Variants in PRKG1 observed in about 807,000 individuals in gnomAD.
PRKG1 encodes the protein cGMP-dependent protein kinase 1.
A neutral mutation model predicts 88.1 loss-of-function variants in PRKG1; 35 were observed. The ratio of observed to expected loss-of-function variants is 0.40; its 90% CI spans 0.30 to 0.53. PRKG1 has a LOEUF of 0.53. Ranked by LOEUF, PRKG1 falls within the 20% of genes least tolerant of loss-of-function variation. PRKG1 has a pLI of 0.59. For synonymous variants in PRKG1, 303 were observed against 292.5 expected, an observed-to-expected ratio of 1.04 and a Z score of -0.37; for missense variants, 540 against 839.8, an observed-to-expected ratio of 0.64 and a Z score of 4.41.
intron 7 of PRKG1, among the ~76,000 whole-genome samples, chr10:52,074,113 T>A (rs1219553196): frequency 6.6e-6 from 1 of 152,230 alleles, no homozygotes; most frequent in Non-Finnish European, 1.5e-5. Context: ...GCCTAAATTC[T>A]TGATTTAGCT....
intron 5 of PRKG1, among the ~76,000 whole-genome samples, chr10:52,014,940 G>A (rs12257698): frequency 0.015 from 2,231 of 152,352 alleles, 64 homozygotes; most frequent in African/African-American, 0.051. Flanking sequence ...CTCTGCCTCT[G>A]TGGCTCTTCA....
chr10:51,570,232 C>T (rs1478949930), intron 3 of PRKG1, among the ~76,000 whole-genome samples: 2 of 151,598 alleles, frequency 1.3e-5, no homozygotes, highest in African/African-American at 4.9e-5. Context: ...GTATAACTTT[C>T]AATTACACTC....
chr10:52,210,721 A>C lies in PRKG1; in HGVS notation c.1077-40849A>C, dbSNP rs1413245391. Among the ~76,000 whole-genome samples, 6 of 152,214 alleles carry C rather than the reference A, an allele frequency of 3.9e-5. No homozygotes were observed. In the South Asian group the frequency reaches 1.0e-3, roughly 26 times the overall value. ...CAGTCATTTAAATTCATCAAACTCT[A>C]AGTGGTCAATAAGGAGGCTCACTCA... On this transcript the variant is annotated intron_variant, in intron 9 of 17. Transcript: ENST00000373980.
At chr10:51,818,921 G>C (rs7077147) in intron 4 of PRKG1, among the ~76,000 whole-genome samples, 2,045 of 123,010 alleles carry the variant, frequency 0.017, 519 homozygotes, top group African/African-American at 0.083. Context: ...GCAGGAGAAT[G>C]GCGTGAACCC....
intron 2 of PRKG1, among the ~76,000 whole-genome samples, chr10:51,165,368 A>G (rs1846507467): frequency 6.6e-6 from 1 of 151,976 alleles, no homozygotes; most frequent in African/African-American, 2.4e-5. Flanking sequence ...TGTCACCACC[A>G]GGCCTGCCCT....
chr10:51,170,793 C>G (rs1846684589), intron 2 of PRKG1, among the ~76,000 whole-genome samples: 1 of 151,282 alleles, frequency 6.6e-6, no homozygotes, highest in South Asian at 2.1e-4. Context: ...GGTAACAAAA[C>G]CAATTAAATA....
In PRKG1 at chr10:52,256,909, GC is replaced by G. The variant is rs1184064983; in HGVS notation, c.1173+5247del. Among the ~76,000 whole-genome samples, 2 of 138,954 alleles carry G rather than the reference GC, an allele frequency of 1.4e-5. 1 individual carries two copies. Among genetic ancestry groups the G allele is most frequent in the East Asian group, 4.1e-4 (2 of 4,840 alleles). The allele number at this position is 138,954 out of a possible 152,430, so 91.2% of individuals were successfully genotyped here. ...AATATCCCTTATGCTGAACCTGTGT[GC>G]CCCTGAAGTAGCCTGCTTTTATTCA... On this transcript the variant is annotated intron_variant, in intron 10 of 17. Coordinates refer to ENST00000373980, the MANE Select transcript of PRKG1 (RefSeq NM_006258.4).
chr10:51,888,243 A>G (rs1180533698), intron 4 of PRKG1, among the ~76,000 whole-genome samples: 2 of 152,212 alleles, frequency 1.3e-5, no homozygotes, highest in African/African-American at 2.4e-5. Context: ...AACTGAAGTC[A>G]GGGGAATGTT....
intron 2 of PRKG1, among the ~76,000 whole-genome samples, chr10:51,308,680 T>A (rs1271172515): frequency 1.3e-5 from 2 of 152,126 alleles, no homozygotes; most frequent in Admixed American, 1.3e-4. Context: ...ATATAGAAAT[T>A]GTTCAAGTAG....
At chr10:52,021,564 T>A (rs1285546422) in intron 5 of PRKG1, among the ~76,000 whole-genome samples, 1 of 152,224 alleles carries the variant, frequency 6.6e-6, no homozygotes, top group Non-Finnish European at 1.5e-5. Context: ...ATAAAGTATA[T>A]TTCCATTTGT....
intron 7 of PRKG1, among the ~76,000 whole-genome samples, chr10:52,068,020 C>A (rs557857628): frequency 1.7e-5 from 2 of 116,074 alleles, no homozygotes; most frequent in East Asian, 2.3e-4. Context: ...CTGGCTAACA[C>A]GGTGAAACCC....
At chr10:51,205,501 G>A (rs1838035256) in intron 2 of PRKG1, among the ~76,000 whole-genome samples, 1 of 151,598 alleles carries the variant, frequency 6.6e-6, no homozygotes, top group South Asian at 2.1e-4. Context: ...CATTTCGTAT[G>A]ACTTTTCACA....
chr10:51,906,227 C>T (rs181367221), intron 4 of PRKG1, among the ~76,000 whole-genome samples: 1 of 152,216 alleles, frequency 6.6e-6, no homozygotes, highest in African/African-American at 2.4e-5. Flanking sequence ...TGACAGCAGA[C>T]TAACAGAGGA....
chr10:52,217,515 C>T, intron 9 of PRKG1, among the ~76,000 whole-genome samples: 1 of 152,040 alleles, frequency 6.6e-6, no homozygotes, highest in East Asian at 1.9e-4. Flanking sequence ...TATTTTCACC[C>T]TGTCTTCAAA....
chr10:52,160,408 A>C (rs11817532), intron 8 of PRKG1, among the ~76,000 whole-genome samples: 8,986 of 152,044 alleles, frequency 0.059, 796 homozygotes, highest in African/African-American at 0.2. Context: ...TAATACAATT[A>C]ATTACAGAAA....
chr10:51,047,801 C>T (rs1721439570), intron 1 of PRKG1, among the ~76,000 whole-genome samples: 1 of 151,862 alleles, frequency 6.6e-6, no homozygotes, highest in Non-Finnish European at 1.5e-5. Flanking sequence ...ATGAAAAAAA[C>T]AAGATATACC....
At chr10:51,181,116 C>A (rs1837329988) in intron 2 of PRKG1, among the ~76,000 whole-genome samples, 1 of 151,280 alleles carries the variant, frequency 6.6e-6, no homozygotes, top group Non-Finnish European at 1.5e-5. Flanking sequence ...GATTCTGGGG[C>A]AAATATGGTC....
chr10:52,211,918 C>A lies in PRKG1; in HGVS notation c.1077-39652C>A, dbSNP rs1839987633. 1.3e-5 allele frequency among the ~76,000 whole-genome samples: 2 copies of A among 151,956 alleles called. 1 individual carries two copies. The highest frequency in any genetic ancestry group is 1.3e-4 in the Admixed American group (2 of 15,246). ...AAAGATTTCTATAAATCTTATATTT[C>A]TAAAGTTACATGAATTCAATACCAC... On this transcript the variant is annotated intron_variant, in intron 9 of 17. Transcript: ENST00000373980.
intron 3 of PRKG1, among the ~76,000 whole-genome samples, chr10:51,536,476 C>T (rs1273497656): frequency 1.3e-5 from 2 of 152,076 alleles, no homozygotes; most frequent in Admixed American, 6.5e-5. Flanking sequence ...TTTTCCCATT[C>T]TGTAGGTTGT....
Sources: allele counts gnomAD v4.1 joint callset (sites outside exome capture counted in the v4.1 genomes callset), GRCh38; gene constraint gnomAD v4.1.1; transcripts MANE v1.5; gene names NCBI Gene and HGNC (gene_info 2026-07-23, HGNC 2026-07-21).